Variants in CARMIL1 observed in about 807,000 individuals in gnomAD.
CARMIL1 encodes F-actin-uncapping protein LRRC16A.
A neutral mutation model predicts 177.1 loss-of-function variants in CARMIL1; 90 were observed. The ratio of observed to expected loss-of-function variants is 0.51; its 90% CI spans 0.43 to 0.61. The LOEUF is 0.61. Among genes scored for constraint, CARMIL1 ranks in the 20% least tolerant of loss-of-function variants. The pLI is 0.00. For synonymous variants in CARMIL1, 577 were observed against 606.2 expected, an observed-to-expected ratio of 0.95 and a Z score of 0.71; for missense variants, 1,380 against 1,667.0, an observed-to-expected ratio of 0.83 and a Z score of 3.00.
At chr6:25,569,846 G>A (rs1205750166) in intron 29 of CARMIL1, among the ~76,000 whole-genome samples, 1 of 151,950 alleles carries the variant, frequency 6.6e-6, no homozygotes, top group African/African-American at 2.4e-5. Flanking sequence ...AATACCTCAA[G>A]TTTAATACTC....
At chr6:25,483,638 A>G (rs1359315065) in intron 12 of CARMIL1, among the ~76,000 whole-genome samples, 2 of 147,816 alleles carry the variant, frequency 1.4e-5, no homozygotes, top group East Asian at 3.9e-4. Context: ...ATGTCTCATG[A>G]ATTACCATGC....
chr6:25,426,705 C>A, intron 4 of CARMIL1, 145 bp downstream of exon 4: 1 of 622,402 alleles, frequency 1.6e-6, no homozygotes. Context: ...GCTGTGTGGA[C>A]AGGAGTTGGG....
At chr6:25,551,428 G>C (rs1810095694) in intron 27 of CARMIL1, among the ~76,000 whole-genome samples, 1 of 152,122 alleles carries the variant, frequency 6.6e-6, no homozygotes, top group East Asian at 1.9e-4. Flanking sequence ...ATTGAGATCA[G>C]TTTGCTTTTT....
intron 2 of CARMIL1, among the ~76,000 whole-genome samples, chr6:25,410,078 C>CCCCCCCG (rs1227420427): frequency 1.5e-5 from 2 of 133,558 alleles, no homozygotes; most frequent in African/African-American, 5.7e-5. Flanking sequence ...CTAAATCAAC[C>CCCCCCCG]CCCCCCGCCC....
intron 2 of CARMIL1, among the ~76,000 whole-genome samples, chr6:25,369,231 CTCA>C (rs1485834845): frequency 6.6e-6 from 1 of 152,190 alleles, no homozygotes; most frequent in Admixed American, 6.5e-5. Context: ...AGACGGGGAA[CTCA>C]TCATAACCTG....
chr6:25,559,032 G>A (rs770458983), intron 29 of CARMIL1, among the ~76,000 whole-genome samples: 3 of 152,070 alleles, frequency 2.0e-5, no homozygotes, highest in East Asian at 3.9e-4. Flanking sequence ...AGTGCAAGTC[G>A]GGATTTTATA....
intron 4 of CARMIL1, among the ~76,000 whole-genome samples, chr6:25,429,983 C>T (rs1198072297): frequency 6.6e-6 from 1 of 151,826 alleles, no homozygotes; most frequent in Non-Finnish European, 1.5e-5. Flanking sequence ...ATAGCTGGGA[C>T]TACAAGCACG....
Position 25,515,856 on chromosome 6 carries a change from A to T in CARMIL1, c.1805+9A>T. On this transcript the variant is annotated intron_variant, in intron 21 of 36. Transcript: ENST00000329474. This position sits in a 1 kb window ranked among gnomAD's most constrained non-coding sequence, Gnocchi z 5.0. ...ATCAACACTAAGCTCAGGTAGGCAG[A>T]TCCCACCCTCCCTGCTCATGAGGAA... The T allele has an allele frequency of 6.3e-7, 1 of 1,591,412 alleles. No homozygotes were observed. Among genetic ancestry groups the T allele is most frequent in the South Asian group, 1.2e-5 (1 of 86,834 alleles).
intron 2 of CARMIL1, among the ~76,000 whole-genome samples, chr6:25,340,029 C>T (rs1321806574): frequency 6.6e-6 from 1 of 152,190 alleles, no homozygotes; most frequent in Non-Finnish European, 1.5e-5. Flanking sequence ...AAGAAATAAT[C>T]GATTTTGTAA....
At chr6:25,441,337 A>ATATATATGTGTGTGTGTG in intron 5 of CARMIL1, among the ~76,000 whole-genome samples, 1,009 of 94,462 alleles carry the variant, frequency 0.011, 22 homozygotes, top group African/African-American at 0.034. Context: ...ATATATATAT[A>ATATATATGTGTGTGTGTG]TGTGTGTGTG....
chr6:25,475,493 C>T (rs1490056163), intron 11 of CARMIL1, among the ~76,000 whole-genome samples: 2 of 151,990 alleles, frequency 1.3e-5, no homozygotes, highest in African/African-American at 4.8e-5. Context: ...GACTTAGGTC[C>T]ACACAGAGAC....
chr6:25,499,942 C>T (rs190196373), intron 16 of CARMIL1, among the ~76,000 whole-genome samples: 1 of 152,334 alleles, frequency 6.6e-6, no homozygotes, highest in East Asian at 1.9e-4. Flanking sequence ...TTATGATGGG[C>T]TCACTGCCTG....
chr6:25,459,259 T>TTTCTTTCTTTCTTTCTTTC, intron 8 of CARMIL1, among the ~76,000 whole-genome samples: 1 of 123,842 alleles, frequency 8.1e-6, no homozygotes, highest in Non-Finnish European at 1.7e-5. Context: ...TCTTTCTTTC[T>TTTCTTTCTTTCTTTCTTTC]TTCTTTCTTT....
intron 31 of CARMIL1, among the ~76,000 whole-genome samples, chr6:25,586,819 C>T (rs1165076587): frequency 1.6e-4 from 25 of 152,078 alleles, no homozygotes; most frequent in East Asian, 1.6e-3. Flanking sequence ...TCAGGCGTGG[C>T]GGCGCGCGCC....
At chr6:25,389,276 G>A (rs1792498989) in intron 2 of CARMIL1, 1 of 150,616 alleles carries the variant, frequency 6.6e-6, no homozygotes, top group Non-Finnish European at 1.5e-5. Context: ...GCTTCTCATT[G>A]GTTTAAAAAT....
intron 4 of CARMIL1, among the ~76,000 whole-genome samples, chr6:25,430,290 C>T (rs1796633759): frequency 6.9e-6 from 1 of 145,140 alleles, no homozygotes. Context: ...TAGAATGATT[C>T]TATATATTTC....
chr6:25,335,071 TCA>T (rs1786074223), intron 2 of CARMIL1, among the ~76,000 whole-genome samples: 1 of 152,230 alleles, frequency 6.6e-6, no homozygotes, highest in Non-Finnish European at 1.5e-5. Context: ...GAGGAAAAAC[TCA>T]GTTTCCTGTC....
At position 25,619,609 on chromosome 6, in the gene CARMIL1, G is replaced by T. The variant is rs748763334; in HGVS notation, c.*26G>T. The T allele has an allele frequency of 6.2e-7, 1 of 1,607,004 alleles. No individual in the cohort carries two copies. The highest frequency in any genetic ancestry group is 1.7e-5 in the Admixed American group (1 of 59,246). ...AGGTCACCCACGCAGAAGTCTTCCT[G>T]TGCAGGGTGCTTTGGTAGCCATCAG... On this transcript the variant is annotated 3_prime_UTR_variant, in exon 37 of 37. Coordinates refer to ENST00000329474, the MANE Select transcript of CARMIL1 (RefSeq NM_017640.6).
At chr6:25,552,242 T>C (rs1810175924) in intron 27 of CARMIL1, among the ~76,000 whole-genome samples, 1 of 152,108 alleles carries the variant, frequency 6.6e-6, no homozygotes, top group South Asian at 2.1e-4. Flanking sequence ...GTTTGAGAAT[T>C]TTTTTGTTGG....
Sources: allele counts gnomAD v4.1 joint callset (sites outside exome capture counted in the v4.1 genomes callset), GRCh38; gene constraint gnomAD v4.1.1; non-coding constraint Gnocchi (gnomAD v3.1); transcripts MANE v1.5; gene names NCBI Gene and HGNC (gene_info 2026-07-23, HGNC 2026-07-21).